The following CNTNAP4 variants were observed in gnomAD, a reference collection of about 807,000 sequenced individuals.
CNTNAP4 encodes the protein contactin associated protein family member 4, also known as contactin-associated protein-like 4.
In CNTNAP4, 98 loss-of-function variants were observed where a neutral mutation model predicts 148.4. That is an observed-to-expected ratio of 0.66 (90% confidence interval 0.56 to 0.78). The LOEUF is 0.78. CNTNAP4 is among the 30% of genes least tolerant of loss of function. CNTNAP4 has a pLI of 0.00. For synonymous variants in CNTNAP4, 730 were observed against 565.1 expected (o/e 1.29, Z -4.14); for missense variants, 1,935 against 1,565.6 (o/e 1.24, Z -3.98).
chr16:76,399,547 GA>G (rs1274114458), intron 3 of CNTNAP4, among the ~76,000 whole-genome samples: 1 of 152,174 alleles, frequency 6.6e-6, no homozygotes, highest in Non-Finnish European at 1.5e-5. Flanking sequence ...CCCACAGGGA[GA>G]GATCAAGAAT....
intron 2 of CNTNAP4, among the ~76,000 whole-genome samples, chr16:76,331,426 G>A (rs1963513752): frequency 6.6e-6 from 1 of 151,450 alleles, no homozygotes; most frequent in African/African-American, 2.4e-5. Flanking sequence ...CTGACCTCGT[G>A]ATCCACCTGC....
At chr16:76,330,704 T>C (rs1400722232) in intron 2 of CNTNAP4, among the ~76,000 whole-genome samples, 2 of 152,236 alleles carry the variant, frequency 1.3e-5, no homozygotes, top group African/African-American at 2.4e-5. Flanking sequence ...CTTATACTTA[T>C]TAGATTTGCT....
intron 2 of CNTNAP4, among the ~76,000 whole-genome samples, chr16:76,326,547 C>T (rs546276372): frequency 6.6e-6 from 1 of 152,204 alleles, no homozygotes; most frequent in South Asian, 2.1e-4. Context: ...TGGAACCAAT[C>T]CAAATGTCCA....
chr16:76,288,155 T>C (rs910087384), intron 1 of CNTNAP4, among the ~76,000 whole-genome samples: 1 of 152,024 alleles, frequency 6.6e-6, no homozygotes, highest in African/African-American at 2.4e-5. Context: ...TCGTGAGATA[T>C]GATGGTTTTA....
chr16:76,420,853 T>A (rs1344274370), intron 3 of CNTNAP4, among the ~76,000 whole-genome samples: 1 of 152,048 alleles, frequency 6.6e-6, no homozygotes, highest in Non-Finnish European at 1.5e-5. Flanking sequence ...AACTTTTTTT[T>A]TATTCCAAAA....
intron 3 of CNTNAP4, among the ~76,000 whole-genome samples, chr16:76,405,053 A>G (rs753630586): frequency 1.7e-4 from 26 of 152,152 alleles, no homozygotes; most frequent in Non-Finnish European, 7.4e-5. Context: ...CAAATGTATG[A>G]TAAATGCATG....
At chr16:76,524,732 A>G (rs1225349132) in intron 17 of CNTNAP4, among the ~76,000 whole-genome samples, 2 of 152,152 alleles carry the variant, frequency 1.3e-5, no homozygotes, top group Admixed American at 6.6e-5. Flanking sequence ...ACCTCACTGT[A>G]TGTGTTGAAA....
chr16:76,288,762 C>T (rs1028560538), intron 1 of CNTNAP4, among the ~76,000 whole-genome samples: 6 of 152,196 alleles, frequency 3.9e-5, no homozygotes, highest in African/African-American at 7.2e-5. Context: ...GAAAACAATA[C>T]GTTGATGGAT....
chr16:76,450,696 A>C (rs891087431), intron 7 of CNTNAP4, among the ~76,000 whole-genome samples: 1 of 152,226 alleles, frequency 6.6e-6, no homozygotes, highest in African/African-American at 2.4e-5. Context: ...ACAATATTGC[A>C]TCGGCCAATC....
intron 17 of CNTNAP4, among the ~76,000 whole-genome samples, chr16:76,522,600 C>T (rs957505113): frequency 2.6e-5 from 2 of 77,906 alleles, no homozygotes; most frequent in African/African-American, 9.6e-5. Flanking sequence ...CTCTCTCTTT[C>T]TTTTCTTTAT....
Position 76,420,199 on chromosome 16 carries a change from G to A in CNTNAP4, c.391-7253G>A, listed in dbSNP as rs565865864. On this transcript the variant is annotated intron_variant, in intron 3 of 23. Transcript: ENST00000611870. ...CTAATATATTCTAACAGAATAATAT[G>A]TATATTCTGTAGAATATATATTAGA... is the stretch of plus-strand genomic sequence containing the variant. Among the ~76,000 whole-genome samples, 15 of 150,276 alleles carry A rather than the reference G, an allele frequency of 1.0e-4. 1 individual carries two copies. The South Asian group carries it at 3.2e-3, about 32-fold the overall frequency.
At chr16:76,324,108 C>G (rs1396769148) in intron 2 of CNTNAP4, among the ~76,000 whole-genome samples, 1 of 152,098 alleles carries the variant, frequency 6.6e-6, no homozygotes, top group Non-Finnish European at 1.5e-5. Context: ...AGGGGAGTAC[C>G]TTAAGGCAGA....
chr16:76,316,442 T>G lies in CNTNAP4; in HGVS notation c.115T>G (p.Leu39Val), dbSNP rs1275855464. ...CTGTGATGATCCTCTTGTGTCTGCC[T>G]TGCCTCAGGCATCCTTCAGCAGTTC... ...YDCDDPLVSA[L>V]PQASFSSSSE... is the part of the protein sequence containing the mutation. The change falls in exon 2 of 24, where the codon TTG (leucine) becomes GTG (valine). Residue 39 changes from leucine to valine, a missense_variant. Physicochemically the swap from Leu to Val is conservative, Grantham distance 32. Transcript: ENST00000611870. 7 of 1,613,884 alleles carry G rather than the reference T, an allele frequency of 4.3e-6. No individual in the cohort carries two copies. Among genetic ancestry groups the G allele is most frequent in the Non-Finnish European group, 5.9e-6 (7 of 1,179,788 alleles).
At chr16:76,420,715 T>C (rs7191023) in intron 3 of CNTNAP4, among the ~76,000 whole-genome samples, 151,242 of 152,140 alleles carry the variant, frequency 0.99, 75,178 homozygotes, top group East Asian at 1. Flanking sequence ...TACCCAGCTA[T>C]TGTTTCTCCT....
At chr16:76,341,582 G>C (rs1964473669) in intron 2 of CNTNAP4, among the ~76,000 whole-genome samples, 1 of 152,122 alleles carries the variant, frequency 6.6e-6, no homozygotes, top group Admixed American at 6.6e-5. Flanking sequence ...GTGGCCATCT[G>C]GTTTTGACAG....
chr16:76,482,853 G>A (rs2081885980), intron 12 of CNTNAP4, among the ~76,000 whole-genome samples: 2 of 152,264 alleles, frequency 1.3e-5, no homozygotes, highest in South Asian at 4.1e-4. Flanking sequence ...CTTCCCAAAT[G>A]ATTCTTATGT....
At chr16:76,512,545 G>T (rs767678950) in intron 15 of CNTNAP4, among the ~76,000 whole-genome samples, 10 of 152,190 alleles carry the variant, frequency 6.6e-5, no homozygotes, top group Non-Finnish European at 1.2e-4. Context: ...AAATGGGGGA[G>T]ATTGCTGCTG....
intron 3 of CNTNAP4, among the ~76,000 whole-genome samples, chr16:76,396,784 C>G (rs533379970): frequency 2.6e-5 from 4 of 152,304 alleles, no homozygotes; most frequent in African/African-American, 9.6e-5. Context: ...ACACTTCCTG[C>G]AAAGATAGGA....
chr16:76,559,625 A>T lies in CNTNAP4; in HGVS notation c.*942A>T, dbSNP rs780539526. Among the ~76,000 whole-genome samples, 2 of 152,202 alleles carry T rather than the reference A, an allele frequency of 1.3e-5. No homozygotes were observed. The highest frequency in any genetic ancestry group is 1.3e-4 in the Admixed American group (2 of 15,280). ...AGACTATTTTGCCCAAACCTAGATC[A>T]GTCCTTTATTGGTTTACATTTCTGT... On this transcript the variant is annotated 3_prime_UTR_variant, in exon 24 of 24. Coordinates refer to ENST00000611870, the MANE Select transcript of CNTNAP4 (RefSeq NM_033401.5).
Sources: gnomAD v4.1 joint callset for allele counts (sites outside exome capture counted in the v4.1 genomes callset) on GRCh38, gnomAD v4.1.1 for gene constraint, MANE v1.5 for transcripts, NCBI Gene and HGNC (gene_info 2026-07-23, HGNC 2026-07-21) for gene names.